TBC1D8: variants seen among roughly 807,000 people sequenced by gnomAD.
TBC1D8 encodes the protein TBC1 domain family member 8.
Under a neutral mutation model 118.8 loss-of-function variants are expected in TBC1D8, and 65 were observed. The observed-to-expected ratio is 0.55, with a 90% confidence interval of 0.45 to 0.67. The LOEUF is 0.67. Among genes scored for constraint, TBC1D8 ranks in the 30% least tolerant of loss-of-function variants. TBC1D8 has a pLI of 0.00. For missense variants in TBC1D8, 1,376 were observed against 1,471.2 expected (o/e 0.94, Z 1.06); for synonymous variants, 566 against 595.8 (o/e 0.95, Z 0.73).
intron 5 of TBC1D8, among the ~76,000 whole-genome samples, chr2:101,048,735 CT>C (rs60788024): frequency 0.12 from 18,455 of 147,716 alleles, 3,383 homozygotes; most frequent in African/African-American, 0.41. Context: ...AATAATAAGT[CT>C]TTTTAAAAAA....
chr2:101,044,322 A>G (rs1681568362), intron 5 of TBC1D8, among the ~76,000 whole-genome samples: 1 of 152,246 alleles, frequency 6.6e-6, no homozygotes, highest in Non-Finnish European at 1.5e-5. Context: ...TGAGATGAAG[A>G]TATCGTGACT....
chr2:101,113,698 C>T (rs940381557), intron 1 of TBC1D8, among the ~76,000 whole-genome samples: 1 of 152,132 alleles, frequency 6.6e-6, no homozygotes, highest in African/African-American at 2.4e-5. Flanking sequence ...CAGAGAAAAA[C>T]ATATAAATAA....
rs760007379 is a variant in TBC1D8 at position 101,040,275 on chromosome 2, C to T, written c.983G>A (p.Arg328His). The change falls in exon 6 of 20, where the codon CGC (arginine) becomes CAC (histidine). Residue 328 changes from arginine (R) to histidine (H), a missense_variant. Transcript: ENST00000409318. ...GAACATCCGCCCCGTGGTGTGACAG[C>T]GACTGAACGGCGTCCAGAGCGAACA... ...VDCSLWTPFS[R>H]CHTTGRMFAS... The T allele has an allele frequency of 5.0e-6, 8 of 1,613,900 alleles. No homozygotes were observed. Among genetic ancestry groups the T allele is most frequent in the South Asian group, 3.3e-5 (3 of 91,084 alleles).
intron 1 of TBC1D8, among the ~76,000 whole-genome samples, chr2:101,126,092 G>T (rs1200605117): frequency 1.3e-5 from 2 of 152,186 alleles, no homozygotes; most frequent in African/African-American, 4.8e-5. Flanking sequence ...TGTGTCTGAT[G>T]AAGCCTCAGG....
At chr2:101,087,052 G>A (rs1360432211) in intron 2 of TBC1D8, among the ~76,000 whole-genome samples, 2 of 152,152 alleles carry the variant, frequency 1.3e-5, no homozygotes, top group South Asian at 2.1e-4. Context: ...CCAAAGTGCT[G>A]GGATTACAGG....
At chr2:101,015,571 A>AT (rs1409491070) in intron 17 of TBC1D8, among the ~76,000 whole-genome samples, 1 of 152,174 alleles carries the variant, frequency 6.6e-6, no homozygotes, top group Non-Finnish European at 1.5e-5. Context: ...TTCTATAAAC[A>AT]TTTTTCTATC....
At chr2:101,037,736 G>C (rs765384694) in intron 7 of TBC1D8, 28 bp from the exon 8 acceptor site, 3 of 1,608,232 alleles carry the variant, frequency 1.9e-6, no homozygotes, top group Non-Finnish European at 2.5e-6. Flanking sequence ...CAGAGACAGA[G>C]AGAGAGAGGA....
In TBC1D8 at chr2:101,084,370, G is replaced by A. The variant is rs183432348; in HGVS notation, c.283+5839C>T. Among the ~76,000 whole-genome samples, 761 of 152,286 alleles carry A rather than the reference G, an allele frequency of 5.0e-3. 10 individuals carry two copies. The highest frequency in any genetic ancestry group is 0.017 in the Middle Eastern group (5 of 294). On this transcript the variant is annotated intron_variant, in intron 2 of 19. Transcript: ENST00000409318. Reference sequence around the variant, plus strand: ...TCAAGGCCAGCCTGGCCAACATGGCGAAAACCCGTCTCCACTAAAAATCAA... The same window carrying A: ...TCAAGGCCAGCCTGGCCAACATGGCAAAAACCCGTCTCCACTAAAAATCAA...
At chr2:101,009,051 AG>A (rs1253958007) in intron 19 of TBC1D8, among the ~76,000 whole-genome samples, 1 of 152,168 alleles carries the variant, frequency 6.6e-6, no homozygotes, top group African/African-American at 2.4e-5. Flanking sequence ...ATGTGAGGAC[AG>A]GTGCTTCAGG....
chr2:101,052,773 T>C (rs1163087788), intron 4 of TBC1D8, among the ~76,000 whole-genome samples: 2 of 152,226 alleles, frequency 1.3e-5, no homozygotes, highest in Non-Finnish European at 1.5e-5. Flanking sequence ...ATTTTCCTTT[T>C]CAAATAGAGA....
intron 7 of TBC1D8, among the ~76,000 whole-genome samples, 185 bp downstream of exon 7, chr2:101,038,276 C>G (rs966115456): frequency 6.6e-6 from 1 of 152,140 alleles, no homozygotes. Flanking sequence ...CCGTCACCCC[C>G]TCCAAGCTGT....
rs1200563502 is a variant in TBC1D8, at chr2:101,069,065, C to T, written c.284-9526G>A. On this transcript the variant is annotated intron_variant, in intron 2 of 19. Transcript: ENST00000409318. The stretch of plus-strand genomic sequence containing the variant: ...TCTGTAATCCCAGCATTTTGGAGGC[C>T]GAGGCGGGTGGATCATGAGAGCAGG... Among the ~76,000 whole-genome samples the T allele has an allele frequency of 6.0e-5, 9 of 148,800 alleles. No homozygotes were observed. The East Asian group carries it at 9.9e-4, about 16-fold the overall frequency.
chr2:101,113,096 A>C (rs1402142015), intron 1 of TBC1D8, among the ~76,000 whole-genome samples: 1 of 152,122 alleles, frequency 6.6e-6, no homozygotes, highest in Admixed American at 6.6e-5. Context: ...GTACTCCCAA[A>C]ATCACATCAA....
chr2:101,046,207 G>C (rs965485763), intron 5 of TBC1D8, among the ~76,000 whole-genome samples: 15 of 152,228 alleles, frequency 9.9e-5, no homozygotes, highest in Admixed American at 5.9e-4. Context: ...CTGCCATGCA[G>C]CTGCTAGGAC....
intron 1 of TBC1D8, among the ~76,000 whole-genome samples, chr2:101,137,071 C>T (rs1328474024): frequency 4.6e-5 from 6 of 129,482 alleles, no homozygotes; most frequent in Admixed American, 2.7e-4. Context: ...TGGCTTTTGT[C>T]GCCCAGGCTG....
chr2:101,045,487 A>C (rs571827491), intron 5 of TBC1D8, among the ~76,000 whole-genome samples: 1 of 152,296 alleles, frequency 6.6e-6, no homozygotes, highest in South Asian at 2.1e-4. Context: ...TCCAGGCTTA[A>C]CGCGTCCCCA....
rs992197534 is a variant in TBC1D8 at position 101,086,568 on chromosome 2, C to CA, written c.283+3640dup. ...CAAAAAAAACTCATCATATGCAAAGCAAAAAAAAAAAACAATCGGTGCTGC... is the reference window on the plus strand; with the variant it reads ...CAAAAAAAACTCATCATATGCAAAGCAAAAAAAAAAAAACAATCGGTGCTGC... On this transcript the variant is annotated intron_variant, in intron 2 of 19. Transcript: ENST00000409318. 8.2e-3 allele frequency among the ~76,000 whole-genome samples: 1,006 copies of CA among 123,278 alleles called. 4 individuals carry two copies. Among genetic ancestry groups the CA allele is most frequent in the East Asian group, 0.028 (119 of 4,298 alleles). The allele number at this position is 123,278 out of a possible 152,430, so 80.9% of individuals were successfully genotyped here. A position where few individuals can be genotyped will look rare whatever the true frequency, so the allele number is the denominator to read the frequency against.
At chr2:101,043,202 CGGGCG>C (rs1681488993) in intron 5 of TBC1D8, among the ~76,000 whole-genome samples, 1 of 152,192 alleles carries the variant, frequency 6.6e-6, no homozygotes, top group Non-Finnish European at 1.5e-5. Flanking sequence ...ACTGTTTCCA[CGGGCG>C]CCTGAGCTGC....
In TBC1D8 at chr2:101,011,386, A is replaced by G. The variant is rs1054384379; in HGVS notation, c.2917+65T>C. ...TGCTACAAGAAGAGGGATGAGGGCA[A>G]CCCCGGTGCCTCCCGCCACTGCAGT... On this transcript the variant is annotated intron_variant, in intron 18 of 19. Coordinates refer to ENST00000409318, the MANE Select transcript of TBC1D8 (RefSeq NM_001330348.2). 5 of 1,534,356 alleles carry G rather than the reference A, an allele frequency of 3.3e-6. No individual in the cohort carries two copies. The Admixed American group carries it at 8.4e-5, about 26-fold the overall frequency.
Sources: gnomAD v4.1 joint callset for allele counts (sites outside exome capture counted in the v4.1 genomes callset) on GRCh38, gnomAD v4.1.1 for gene constraint, MANE v1.5 for transcripts, NCBI Gene and HGNC (gene_info 2026-07-23, HGNC 2026-07-21) for gene names.